SETD3: variants seen among roughly 807,000 people sequenced by gnomAD.
SETD3 encodes the protein actin-histidine N-methyltransferase.
In SETD3, 19 loss-of-function variants were observed where a neutral mutation model predicts 63.0. The observed-to-expected ratio is 0.30, with a 90% CI of 0.21 to 0.44. The LOEUF (loss-of-function observed/expected upper bound fraction) is 0.44. Among genes scored for constraint, SETD3 ranks in the 20% least tolerant of loss-of-function variants. SETD3 has a pLI of 1.00. For missense variants in SETD3, 587 were observed against 728.5 expected, an observed-to-expected ratio of 0.81 and a Z score of 2.24; for synonymous variants, 286 against 264.1, an observed-to-expected ratio of 1.08 and a Z score of -0.80.
At chr14:99,428,636 C>T in intron 6 of SETD3, among the ~76,000 whole-genome samples, 1 of 152,002 alleles carries the variant, frequency 6.6e-6, no homozygotes, top group East Asian at 1.9e-4. Flanking sequence ...CAGAGTAAGT[C>T]CCCGTCTCAA....
At chr14:99,409,628 C>T (rs895955956) in intron 8 of SETD3, among the ~76,000 whole-genome samples, 2 of 151,842 alleles carry the variant, frequency 1.3e-5, no homozygotes, top group Non-Finnish European at 2.9e-5. Context: ...ACACACACAT[C>T]CCTAAGATGG....
chr14:99,430,391 T>G (rs538723850), intron 6 of SETD3, among the ~76,000 whole-genome samples: 2 of 152,364 alleles, frequency 1.3e-5, no homozygotes, highest in East Asian at 3.9e-4. Flanking sequence ...GATGCTAGTT[T>G]ATATTTTCTA....
chr14:99,469,499 T>C (rs1385011858), intron 1 of SETD3, among the ~76,000 whole-genome samples: 1 of 152,236 alleles, frequency 6.6e-6, no homozygotes, highest in Non-Finnish European at 1.5e-5. Context: ...ATCCTAGCAC[T>C]TTGGGAGGCC....
chr14:99,458,215 G>T, intron 6 of SETD3, 64 bp downstream of exon 6: 2 of 1,509,316 alleles, frequency 1.3e-6, no homozygotes, highest in South Asian at 1.3e-5. Flanking sequence ...AATATTTATG[G>T]ACTCAATTCC....
In SETD3 at chr14:99,404,203, CTT is replaced by C. The variant is rs1891554584; in HGVS notation, c.1177+20_1177+21del. The C allele has an allele frequency of 6.2e-7, 1 of 1,601,158 alleles. No individual in the cohort carries two copies. The highest frequency in any genetic ancestry group is 1.7e-5 in the Admixed American group (1 of 59,388). ...TTTAAAAAGAAAAAAGTCAACATCT[CTT>C]TTTTCCTGAAATGACTTACCTTCAG... On this transcript the variant is annotated intron_variant, in intron 11 of 12. Coordinates refer to ENST00000331768, the MANE Select transcript of SETD3 (RefSeq NM_032233.3).
At chr14:99,431,428 A>T in intron 6 of SETD3, among the ~76,000 whole-genome samples, 1 of 152,198 alleles carries the variant, frequency 6.6e-6, no homozygotes, top group Admixed American at 6.5e-5. Flanking sequence ...CACCATTCAC[A>T]AAAACGCAGA....
intron 6 of SETD3, among the ~76,000 whole-genome samples, chr14:99,437,403 C>T (rs1893544082): frequency 6.6e-6 from 1 of 152,220 alleles, no homozygotes; most frequent in Non-Finnish European, 1.5e-5. Context: ...CCTACTCCCA[C>T]TCTTTCTGCT....
chr14:99,458,476 G>C lies in SETD3; in HGVS notation c.478C>G (p.His160Asp). 1 of 1,614,178 alleles carries C rather than the reference G, an allele frequency of 6.2e-7. No individual in the cohort carries two copies. The highest frequency in any genetic ancestry group is 8.5e-7 in the Non-Finnish European group (1 of 1,180,016). Residue 160 changes from histidine to aspartate, a missense_variant, in exon 6 of 13, where the codon CAT (histidine) becomes GAT (aspartate). Coordinates refer to ENST00000331768, the MANE Select transcript of SETD3 (RefSeq NM_032233.3). ...QAMGNIALAF[H>D]LLCERASPNS... ...GGGCTGGCTCGCTCACACAGCAAATGAAAGGCCAGTGCGATGTTTCCCATG... is the reference window on the plus strand; with the variant it reads ...GGGCTGGCTCGCTCACACAGCAAATCAAAGGCCAGTGCGATGTTTCCCATG...
chr14:99,459,327 A>G (rs1894941544), intron 4 of SETD3, 142 bp from the exon 5 acceptor site: 2 of 502,430 alleles, frequency 4.0e-6, no homozygotes. Context: ...ATTCAAATAC[A>G]TTTTAAAATG....
chr14:99,412,708 TG>T (rs1892063766), intron 8 of SETD3: 2 of 412,934 alleles, frequency 4.8e-6, no homozygotes, highest in South Asian at 1.1e-4. Flanking sequence ...TAGTTCACTG[TG>T]GCTTTTGAAA....
Position 99,466,879 on chromosome 14 carries a change from C to A in SETD3, c.-8-1066G>T, listed in dbSNP as rs143539923. Among the ~76,000 whole-genome samples, 144 of 152,320 alleles carry A rather than the reference C, an allele frequency of 9.5e-4. 1 individual carries two copies. The highest frequency in any genetic ancestry group is 3.3e-3 in the African/African-American group (138 of 41,558). On this transcript the variant is annotated intron_variant, in intron 1 of 12. Coordinates refer to ENST00000331768, the MANE Select transcript of SETD3 (RefSeq NM_032233.3). Reference sequence around the variant, plus strand: ...ATCCATAAGCTAATGAATAACAAACCACCACGAGGATGGCCTCCAGGAGCC... The same window carrying A: ...ATCCATAAGCTAATGAATAACAAACAACCACGAGGATGGCCTCCAGGAGCC...
intron 6 of SETD3, among the ~76,000 whole-genome samples, chr14:99,422,279 A>G (rs1327390109): frequency 6.6e-6 from 1 of 152,212 alleles, no homozygotes; most frequent in Admixed American, 6.5e-5. Context: ...ACAATTTCCA[A>G]TATTCCATCA....
intron 6 of SETD3, among the ~76,000 whole-genome samples, chr14:99,447,106 G>C (rs945103084): frequency 5.9e-5 from 9 of 152,070 alleles, no homozygotes; most frequent in African/African-American, 2.2e-4. Context: ...CAAGTATCTG[G>C]GACTACAGGC....
At chr14:99,465,615 T>C in intron 2 of SETD3, 88 bp downstream of exon 2, 1 of 1,038,824 alleles carries the variant, frequency 9.6e-7, no homozygotes, top group Non-Finnish European at 1.5e-6. Context: ...TACCAGCTTG[T>C]CTGATGCACG....
intron 6 of SETD3, among the ~76,000 whole-genome samples, chr14:99,451,353 A>C (rs1157339375): frequency 1.3e-5 from 2 of 152,248 alleles, no homozygotes; most frequent in East Asian, 1.9e-4. Flanking sequence ...ACTGACATAA[A>C]TTTTAGCTCC....
chr14:99,449,516 A>C (rs1894333468), intron 6 of SETD3, among the ~76,000 whole-genome samples: 1 of 152,232 alleles, frequency 6.6e-6, no homozygotes, highest in Admixed American at 6.5e-5. Flanking sequence ...CAACAAATGC[A>C]TACTGAGGGA....
intron 6 of SETD3, among the ~76,000 whole-genome samples, chr14:99,452,196 T>C (rs958591340): frequency 2.0e-5 from 3 of 152,078 alleles, no homozygotes; most frequent in African/African-American, 7.2e-5. Context: ...AACCTCTGCC[T>C]CCCGGGTTCA....
intron 6 of SETD3, among the ~76,000 whole-genome samples, chr14:99,430,694 G>GA (rs954897551): frequency 2.0e-5 from 3 of 152,204 alleles, no homozygotes; most frequent in Admixed American, 6.5e-5. Context: ...TGAGGGAGAG[G>GA]AAGCAGGTGA....
At chr14:99,405,166 G>T in intron 10 of SETD3, 39 bp downstream of exon 10, 1 of 1,592,092 alleles carries the variant, frequency 6.3e-7, no homozygotes, top group Non-Finnish European at 8.5e-7. Flanking sequence ...AATAGTTCAA[G>T]TACTGCAAGA....
Sources: gnomAD v4.1 joint callset for allele counts (sites outside exome capture counted in the v4.1 genomes callset) on GRCh38, gnomAD v4.1.1 for gene constraint, MANE v1.5 for transcripts, NCBI Gene and HGNC (gene_info 2026-07-23, HGNC 2026-07-21) for gene names.